The following CEP350 variants were observed in gnomAD, a reference collection of about 807,000 sequenced individuals.
The protein encoded by CEP350 is centrosomal protein 350.
CEP350 carries 126 observed loss-of-function variants against 331.8 expected under a neutral mutation model. That is an observed-to-expected ratio of 0.38 (90% CI 0.33 to 0.44). The LOEUF (loss-of-function observed/expected upper bound fraction) is 0.44, where lower values mean the gene tolerates loss of function less well. CEP350 is among the 20% of genes least tolerant of loss of function. The pLI is 1.00. For synonymous variants in CEP350, 1,200 were observed against 1,259.5 expected, an observed-to-expected ratio of 0.95 and a Z score of 1.00; for missense variants, 3,406 against 3,634.6, an observed-to-expected ratio of 0.94 and a Z score of 1.62.
chr1:179,967,701 G>C (rs943560421), intron 1 of CEP350, among the ~76,000 whole-genome samples: 1 of 152,016 alleles, frequency 6.6e-6, no homozygotes, highest in Non-Finnish European at 1.5e-5. Flanking sequence ...GTAAGCCACC[G>C]GGCCCAGCTG....
At chr1:180,048,462 A>T in intron 21 of CEP350, 74 bp from the exon 22 acceptor site, 2 of 986,664 alleles carry the variant, frequency 2.0e-6, no homozygotes, top group Non-Finnish European at 3.1e-6. Flanking sequence ...CATTTGGCCA[A>T]ATAAGTTTAC....
chr1:180,080,128 G>A (rs1659473493), intron 29 of CEP350, among the ~76,000 whole-genome samples: 1 of 152,064 alleles, frequency 6.6e-6, no homozygotes, highest in African/African-American at 2.4e-5. Flanking sequence ...CTTACGCTCT[G>A]TTTTCTTCTT....
intron 1 of CEP350, among the ~76,000 whole-genome samples, chr1:179,959,195 G>A (rs183992776): frequency 8.5e-5 from 13 of 152,350 alleles, no homozygotes; most frequent in African/African-American, 2.2e-4. Flanking sequence ...GGTGGCTCAC[G>A]CCTGTAATCC....
intron 5 of CEP350, among the ~76,000 whole-genome samples, chr1:179,994,663 A>G (rs531367307): frequency 6.6e-6 from 1 of 151,916 alleles, no homozygotes; most frequent in Non-Finnish European, 1.5e-5. Context: ...CGTGTTGCCC[A>G]GGCTGGTCTC....
At chr1:180,009,290 G>C (rs1256749334) in intron 8 of CEP350, among the ~76,000 whole-genome samples, 2 of 152,236 alleles carry the variant, frequency 1.3e-5, no homozygotes, top group Admixed American at 1.3e-4. Flanking sequence ...GATTATAGGC[G>C]TGAGCCACTC....
At chr1:179,957,755 A>G (rs992792226) in intron 1 of CEP350, among the ~76,000 whole-genome samples, 2 of 152,216 alleles carry the variant, frequency 1.3e-5, no homozygotes, top group East Asian at 3.8e-4. Flanking sequence ...GCCACTGGGA[A>G]TAAGCCACAG....
At chr1:179,963,548 G>C (rs1650784868) in intron 1 of CEP350, among the ~76,000 whole-genome samples, 1 of 151,584 alleles carries the variant, frequency 6.6e-6, no homozygotes, top group Admixed American at 6.6e-5. Flanking sequence ...GTTTTTTTGT[G>C]TGTTTTTTGG....
At chr1:180,043,259 A>T in intron 20 of CEP350, 67 bp downstream of exon 20, 1 of 1,495,466 alleles carries the variant, frequency 6.7e-7, no homozygotes, top group Non-Finnish European at 9.0e-7. Context: ...TTCAGCAAAT[A>T]TGTAATGAGT....
chr1:179,967,247 T>G lies in CEP350; in HGVS notation c.-14+12105T>G, dbSNP rs191404396. On this transcript the variant is annotated intron_variant, in intron 1 of 37. Transcript: ENST00000367607. ...AAAGAAAATCTGATTTATCTTTGATTAGTTTGGGTTTTGGTGATTTTTTTA... is the reference window on the plus strand; with the variant it reads ...AAAGAAAATCTGATTTATCTTTGATGAGTTTGGGTTTTGGTGATTTTTTTA... 1.7e-3 allele frequency among the ~76,000 whole-genome samples: 263 copies of G among 152,290 alleles called. 2 individuals carry two copies. Among genetic ancestry groups the G allele is most frequent in the Non-Finnish European group, 2.9e-3 (200 of 68,030 alleles).
chr1:180,083,684 T>C (rs1358846764), intron 30 of CEP350, among the ~76,000 whole-genome samples: 1 of 152,212 alleles, frequency 6.6e-6, no homozygotes, highest in Non-Finnish European at 1.5e-5. Flanking sequence ...AATATCCAAA[T>C]TTCATCAATC....
rs756461053 is a variant in CEP350 at position 180,096,183 on chromosome 1, A to T, written c.9065A>T (p.Lys3022Met). ...AATCCAAATAACCTTGATGAAATCAAGGTAAACTGCAAACTATAAAGTGTC... is the reference window on the plus strand; with the variant it reads ...AATCCAAATAACCTTGATGAAATCATGGTAAACTGCAAACTATAAAGTGTC... ...VKNPNNLDEIKSFIASEVLKL... is the reference protein window; with the variant it reads ...VKNPNNLDEIMSFIASEVLKL... The change falls in exon 36 of 38, where the codon AAG (lysine) becomes ATG (methionine). Residue 3022 changes from lysine (K) to methionine (M), a missense_variant and splice_region_variant. This residue lies in a region of CEP350 where 1,415 missense variants were observed against 1,512.3 expected (regional missense o/e 0.94). Transcript: ENST00000367607. 8.3e-6 allele frequency: 13 copies of T among 1,557,800 alleles called. No homozygotes were observed. The highest frequency in any genetic ancestry group is 8.7e-7 in the Non-Finnish European group (1 of 1,150,428).
intron 11 of CEP350, among the ~76,000 whole-genome samples, chr1:180,019,618 G>A (rs894479796): frequency 6.6e-6 from 1 of 151,872 alleles, no homozygotes; most frequent in African/African-American, 2.4e-5. Flanking sequence ...AGATCTTATT[G>A]CCTTTTTAAT....
intron 6 of CEP350, among the ~76,000 whole-genome samples, chr1:179,998,957 T>G (rs1193567951): frequency 6.6e-6 from 1 of 152,094 alleles, no homozygotes; most frequent in Non-Finnish European, 1.5e-5. Context: ...TTAATAATAT[T>G]TTTTATTAAT....
At chr1:179,970,340 C>T (rs1233972445) in intron 1 of CEP350, among the ~76,000 whole-genome samples, 2 of 152,158 alleles carry the variant, frequency 1.3e-5, no homozygotes, top group African/African-American at 2.4e-5. Flanking sequence ...ACTAAATTCT[C>T]AGATTAGTGG....
chr1:180,030,170 T>C (rs984712468), intron 14 of CEP350, among the ~76,000 whole-genome samples: 1 of 149,794 alleles, frequency 6.7e-6, no homozygotes, highest in Non-Finnish European at 1.5e-5. Flanking sequence ...TTTCTTTTGC[T>C]CTTTAACCAT....
intron 1 of CEP350, among the ~76,000 whole-genome samples, chr1:179,962,557 A>G (rs888291533): frequency 6.6e-6 from 1 of 151,936 alleles, no homozygotes; most frequent in Non-Finnish European, 1.5e-5. Context: ...TTACAGGCAC[A>G]TGCCACCATG....
intron 1 of CEP350, chr1:179,968,722 G>T: frequency 1.7e-6 from 1 of 582,510 alleles, no homozygotes; most frequent in East Asian, 4.1e-5. Context: ...AACCCACTTA[G>T]ATGGCACCAG....
intron 9 of CEP350, among the ~76,000 whole-genome samples, chr1:180,013,067 A>G (rs1367642241): frequency 6.6e-6 from 1 of 152,184 alleles, no homozygotes; most frequent in Non-Finnish European, 1.5e-5. Context: ...AGTAAAAGGA[A>G]TCATTATATT....
At chr1:180,082,648 A>G (rs1330495431) in intron 30 of CEP350, among the ~76,000 whole-genome samples, 1 of 152,106 alleles carries the variant, frequency 6.6e-6, no homozygotes, top group African/African-American at 2.4e-5. Flanking sequence ...AAAAACATAA[A>G]CATTTTCCAA....
Sources: gnomAD v4.1 joint callset for allele counts (sites outside exome capture counted in the v4.1 genomes callset) on GRCh38, gnomAD v4.1.1 for gene constraint, gnomAD v4.1.1 regional missense constraint, MANE v1.5 for transcripts, NCBI Gene and HGNC (gene_info 2026-07-23, HGNC 2026-07-21) for gene names.